EIF4E2: variants seen among roughly 807,000 people sequenced by gnomAD.
The protein encoded by EIF4E2 is eukaryotic translation initiation factor 4E type 2.
EIF4E2 carries 13 observed loss-of-function variants against 34.2 expected under a neutral mutation model. That is an observed-to-expected ratio of 0.38 (90% CI 0.25 to 0.60). EIF4E2 has a LOEUF of 0.60. Ranked by LOEUF, EIF4E2 falls within the 20% of genes least tolerant of loss-of-function variation. The probability of loss-of-function intolerance (pLI) is 0.62; values close to 1 mark genes in which losing one functional copy is unlikely to be tolerated. For missense variants in EIF4E2, 222 were observed against 315.1 expected, an observed-to-expected ratio of 0.70 and a Z score of 2.24; for synonymous variants, 100 against 106.6, an observed-to-expected ratio of 0.94 and a Z score of 0.38.
chr2:232,567,523 A>T (rs970853990), intron 6 of EIF4E2: 53 of 1,240,906 alleles, frequency 4.3e-5, no homozygotes, highest in Middle Eastern at 6.1e-4. Context: ...AAAATGAAAG[A>T]CAAGTGCTTT....
At position 232,553,859 on chromosome 2, in the gene EIF4E2, C is replaced by G. The variant is rs953841515; in HGVS notation, c.21-2557C>G. 11 of 60,796 alleles carry G rather than the reference C, an allele frequency of 1.8e-4. No individual in the cohort carries two copies. The Admixed American group carries it at 2.5e-3, about 14-fold the overall frequency. 3.8% of individuals were successfully genotyped at this position (60,796 alleles called of 1,614,324 possible). A position where few individuals can be genotyped will look rare whatever the true frequency, so the allele number is the denominator to read the frequency against. On this transcript the variant is annotated intron_variant, in intron 1 of 6. Coordinates refer to ENST00000258416, the MANE Select transcript of EIF4E2 (RefSeq NM_004846.4). ...ATTATTTTTGTTTCCTGGTAGTGATCAGCAGCAAACCACTAAAAAGAAAGG... is the reference window on the plus strand; with the variant it reads ...ATTATTTTTGTTTCCTGGTAGTGATGAGCAGCAAACCACTAAAAAGAAAGG...
At chr2:232,570,004 AC>A (rs1693054252), downstream of EIF4E2, among the ~76,000 whole-genome samples, 1 of 152,174 alleles carries the variant, frequency 6.6e-6, no homozygotes, top group East Asian at 1.9e-4. Context: ...GCCTCATGCT[AC>A]TTTAGGTTTT....
At position 232,566,717 on chromosome 2, in the gene EIF4E2, G is replaced by A. The variant is rs1692944961; in HGVS notation, c.376-112G>A. ...GTTTTTCTATAGAGTTGAATAATTG[G>A]AAAGTGATATGACTTCTTAGTGTTT... On this transcript the variant is annotated intron_variant, in intron 4 of 6. Transcript: ENST00000258416. The surrounding 1 kb of genome is among the most constrained non-coding windows in gnomAD (Gnocchi z 4.9). 3 of 1,222,308 alleles carry A rather than the reference G, an allele frequency of 2.5e-6. No individual in the cohort carries two copies. Among genetic ancestry groups the A allele is most frequent in the East Asian group, 2.5e-5 (1 of 40,544 alleles). The allele number at this position is 1,222,308 out of a possible 1,614,324, so 75.7% of individuals were successfully genotyped here.
In EIF4E2 at chr2:232,581,689, C is replaced by G. The variant is rs1693363191; in HGVS notation, c.*746C>G. 1 of 154,710 alleles carries G rather than the reference C, an allele frequency of 6.5e-6. No homozygotes were observed. Among genetic ancestry groups the G allele is most frequent in the African/African-American group, 2.4e-5 (1 of 41,448 alleles). 9.6% of individuals were successfully genotyped at this position (154,710 alleles called of 1,614,324 possible). A position where few individuals can be genotyped will look rare whatever the true frequency, so the allele number is the denominator to read the frequency against. ...GTTTGATTAGGAGCTAGATTATAAT[C>G]TAGGTTCCAAGTACAGAATTTGGAG... On this transcript the variant is annotated 3_prime_UTR_variant, in exon 7 of 7. Coordinates refer to the EIF4E2 transcript ENST00000409098. This position sits in a 1 kb window ranked among gnomAD's most constrained non-coding sequence, Gnocchi z 5.2.
chr2:232,558,838 CTAA>C (rs1048555225), intron 3 of EIF4E2: 3 of 145,712 alleles, frequency 2.1e-5, no homozygotes, highest in Non-Finnish European at 3.0e-5. Flanking sequence ...AATGAAATCT[CTAA>C]TAATTGCTTT....
At chr2:232,563,152 A>G (rs528216219) in intron 3 of EIF4E2, among the ~76,000 whole-genome samples, 2 of 152,220 alleles carry the variant, frequency 1.3e-5, no homozygotes, top group African/African-American at 2.4e-5. Flanking sequence ...AGCAGATACC[A>G]GCTATTTCTC....
At chr2:232,556,002 A>G (rs1430049425) in intron 1 of EIF4E2, among the ~76,000 whole-genome samples, 1 of 152,240 alleles carries the variant, frequency 6.6e-6, no homozygotes, top group African/African-American at 2.4e-5. Flanking sequence ...AAGTAGTGAC[A>G]GTGAGTGTAG....
At chr2:232,554,410 G>C (rs1692449757) in intron 1 of EIF4E2, among the ~76,000 whole-genome samples, 1 of 152,150 alleles carries the variant, frequency 6.6e-6, no homozygotes, top group South Asian at 2.1e-4. Context: ...CAGAGCAGGG[G>C]CCTTTGCACC....
downstream of EIF4E2, among the ~76,000 whole-genome samples, chr2:232,572,894 A>G (rs1693126408): frequency 6.6e-6 from 1 of 152,230 alleles, no homozygotes; most frequent in Non-Finnish European, 1.5e-5. Context: ...CAGCCATGTA[A>G]TTTCTTGTTG....
At position 232,556,684 on chromosome 2, in the gene EIF4E2, A is replaced by C. The variant is rs565130250; in HGVS notation, c.135+154A>C. On this transcript the variant is annotated intron_variant, in intron 2 of 6. Transcript: ENST00000258416. Reference sequence around the variant, plus strand: ...TCAGAAAAACATTGTGCAATCATTGATGTTCATTTTCAGACCTAGAACTTT... The same window carrying C: ...TCAGAAAAACATTGTGCAATCATTGCTGTTCATTTTCAGACCTAGAACTTT... 19 of 618,242 alleles carry C rather than the reference A, an allele frequency of 3.1e-5. No homozygotes were observed. The East Asian group carries it at 5.4e-4, about 18-fold the overall frequency. 38.3% of individuals were successfully genotyped at this position (618,242 alleles called of 1,614,324 possible). A position where few individuals can be genotyped will look rare whatever the true frequency, so the allele number is the denominator to read the frequency against.
At position 232,581,623 on chromosome 2, in the gene EIF4E2, T is replaced by G. The variant is rs1052989083; in HGVS notation, c.*680T>G. On this transcript the variant is annotated 3_prime_UTR_variant, in exon 7 of 7. Transcript: ENST00000409098. This position sits in a 1 kb window ranked among gnomAD's most constrained non-coding sequence, Gnocchi z 5.2. ...TCTCACTGGTTTCACTGAGGCAGCTTAGAGGGAATGCCTTAGTAAACTGAA... is the reference window on the plus strand; with the variant it reads ...TCTCACTGGTTTCACTGAGGCAGCTGAGAGGGAATGCCTTAGTAAACTGAA... 1 of 161,602 alleles carries G rather than the reference T, an allele frequency of 6.2e-6. No homozygotes were observed. The highest frequency in any genetic ancestry group is 2.4e-5 in the African/African-American group (1 of 41,496). 10.0% of individuals were successfully genotyped at this position (161,602 alleles called of 1,614,324 possible). A position where few individuals can be genotyped will look rare whatever the true frequency, so the allele number is the denominator to read the frequency against.
At chr2:232,563,045 G>C (rs1692776384) in intron 3 of EIF4E2, among the ~76,000 whole-genome samples, 1 of 152,224 alleles carries the variant, frequency 6.6e-6, no homozygotes. Context: ...CCCATATCTA[G>C]AAGTATGACC....
downstream of EIF4E2, among the ~76,000 whole-genome samples, chr2:232,570,997 G>A (rs115573205): frequency 5.9e-3 from 896 of 152,268 alleles, 8 homozygotes; most frequent in African/African-American, 0.021. Context: ...GTTTTCCTCC[G>A]AGTACTCTGG....
At chr2:232,558,219 T>A in intron 3 of EIF4E2, 1 of 574,738 alleles carries the variant, frequency 1.7e-6, no homozygotes, top group Non-Finnish European at 2.9e-6. Flanking sequence ...TCAACAAATA[T>A]GAGAATTGTA....
intron 3 of EIF4E2, among the ~76,000 whole-genome samples, chr2:232,559,441 A>AAAAAAAAAT (rs137972142): frequency 1.0e-4 from 14 of 135,432 alleles, no homozygotes; most frequent in South Asian, 2.3e-4. Context: ...TGGTTTGAAA[A>AAAAAAAAAT]AAATAAAAAA....
At chr2:232,565,013 A>G (rs1450426962) in intron 4 of EIF4E2, among the ~76,000 whole-genome samples, 1 of 151,790 alleles carries the variant, frequency 6.6e-6, no homozygotes, top group Non-Finnish European at 1.5e-5. Context: ...TGGGTAAGAA[A>G]ATAAGTTTAA....
At position 232,566,685 on chromosome 2, in the gene EIF4E2, A is replaced by T; in HGVS notation, c.376-144A>T. The T allele has an allele frequency of 2.2e-6, 2 of 907,916 alleles. No individual in the cohort carries two copies. Among genetic ancestry groups the T allele is most frequent in the Non-Finnish European group, 3.3e-6 (2 of 613,874 alleles). The allele number at this position is 907,916 out of a possible 1,614,324, so 56.2% of individuals were successfully genotyped here. A position where few individuals can be genotyped will look rare whatever the true frequency, so the allele number is the denominator to read the frequency against. ...CCCCATTTCTTCTCTCCCTAGTCCT[A>T]CCATCAGTTTTTCTATAGAGTTGAA... is the stretch of plus-strand genomic sequence containing the variant. On this transcript the variant is annotated intron_variant, in intron 4 of 6. Transcript: ENST00000258416. The surrounding 1 kb of genome is among the most constrained non-coding windows in gnomAD (Gnocchi z 4.9).
intron 6 of EIF4E2, among the ~76,000 whole-genome samples, chr2:232,576,846 C>A (rs991163859): frequency 4.6e-5 from 7 of 152,168 alleles, no homozygotes; most frequent in Admixed American, 4.6e-4. Flanking sequence ...TCTTTTTCCT[C>A]CAAATAGATT....
downstream of EIF4E2, chr2:232,574,153 T>C: frequency 8.8e-7 from 1 of 1,137,572 alleles, no homozygotes; most frequent in South Asian, 1.3e-5. Flanking sequence ...GTGGCTCCAC[T>C]CGGCTTGGAG....
Sources: allele counts gnomAD v4.1 joint callset (sites outside exome capture counted in the v4.1 genomes callset), GRCh38; gene constraint gnomAD v4.1.1; non-coding constraint Gnocchi (gnomAD v3.1); transcripts MANE v1.5; gene names NCBI Gene and HGNC (gene_info 2026-07-23, HGNC 2026-07-21).